NBAS: variants seen among roughly 807,000 people sequenced by gnomAD.
The protein encoded by NBAS is NAG/BC035112 fusion.
A neutral mutation model predicts 302.5 loss-of-function variants in NBAS; 219 were observed. The ratio of observed to expected loss-of-function variants is 0.72; its 90% confidence interval spans 0.65 to 0.81. The LOEUF (loss-of-function observed/expected upper bound fraction) is 0.81. NBAS is among the 30% of genes least tolerant of loss of function. NBAS has a pLI of 0.00. For missense variants in NBAS, 2,932 were observed against 2,841.6 expected, an observed-to-expected ratio of 1.03 and a Z score of -0.72; for synonymous variants, 1,118 against 1,021.6, an observed-to-expected ratio of 1.09 and a Z score of -1.80.
the NBAS span, among the ~76,000 whole-genome samples, chr2:15,143,290 C>G: frequency 6.6e-6 from 1 of 152,184 alleles, no homozygotes; most frequent in Non-Finnish European, 1.5e-5. Flanking sequence ...CGTGGTCCTG[C>G]AGCAAGTCCG....
chr2:15,109,752 C>T, the NBAS span, among the ~76,000 whole-genome samples: 1 of 151,966 alleles, frequency 6.6e-6, no homozygotes. Context: ...AGAGCTGCAC[C>T]CTCATGACCT....
the NBAS span, among the ~76,000 whole-genome samples, chr2:15,102,993 A>AAGGAAGGAAGGAAGGAAGGG: frequency 7.7e-6 from 1 of 129,034 alleles, no homozygotes; most frequent in Non-Finnish European, 1.7e-5. Flanking sequence ...GGAAGGAAGG[A>AAGGAAGGAAGGAAGGAAGGG]AGGAAGGAAG....
At chr2:15,422,245 C>T (rs1677247222) in intron 23 of NBAS, among the ~76,000 whole-genome samples, 1 of 152,174 alleles carries the variant, frequency 6.6e-6, no homozygotes, top group Non-Finnish European at 1.5e-5. Flanking sequence ...TTCAGATTAG[C>T]TTCTTTCACT....
chr2:15,148,965 T>C, the NBAS span, among the ~76,000 whole-genome samples: 2 of 152,178 alleles, frequency 1.3e-5, no homozygotes, highest in African/African-American at 2.4e-5. Context: ...AGGTTTTTAA[T>C]AGAGTGTACT....
At chr2:15,249,105 G>A (rs1223816396) in intron 44 of NBAS, among the ~76,000 whole-genome samples, 1 of 152,050 alleles carries the variant, frequency 6.6e-6, no homozygotes, top group Non-Finnish European at 1.5e-5. Flanking sequence ...ACATCAAAAA[G>A]CTTATCCACC....
At chr2:14,904,149 T>C in the NBAS span, among the ~76,000 whole-genome samples, 1 of 152,242 alleles carries the variant, frequency 6.6e-6, no homozygotes, top group East Asian at 1.9e-4. Context: ...GTCAGAGTTC[T>C]ACAGAGAAAC....
At chr2:14,972,986 T>G in the NBAS span, among the ~76,000 whole-genome samples, 1 of 152,212 alleles carries the variant, frequency 6.6e-6, no homozygotes, top group African/African-American at 2.4e-5. Flanking sequence ...CACTGTGTCC[T>G]TGGAGCCCCT....
At chr2:15,012,418 G>GA in the NBAS span, among the ~76,000 whole-genome samples, 2 of 152,044 alleles carry the variant, frequency 1.3e-5, no homozygotes, top group East Asian at 1.9e-4. Flanking sequence ...ACCATTAAGT[G>GA]AAAAAATATT....
At chr2:15,045,097 T>C in the NBAS span, among the ~76,000 whole-genome samples, 2 of 152,178 alleles carry the variant, frequency 1.3e-5, no homozygotes, top group Non-Finnish European at 2.9e-5. Context: ...TATCAAAATC[T>C]CTGTCATGTA....
chr2:15,513,216 A>C (rs1475965192), intron 9 of NBAS, among the ~76,000 whole-genome samples: 1 of 152,196 alleles, frequency 6.6e-6, no homozygotes, highest in Non-Finnish European at 1.5e-5. Flanking sequence ...AGCTCTAACA[A>C]ATTTTCATCT....
the NBAS span, among the ~76,000 whole-genome samples, chr2:14,981,022 TACA>T: frequency 1.3e-5 from 2 of 149,748 alleles, no homozygotes; most frequent in Non-Finnish European, 3.0e-5. Context: ...ATTCAAGACA[TACA>T]ACATCTAATA....
intron 33 of NBAS, among the ~76,000 whole-genome samples, chr2:15,355,801 A>G (rs530230145): frequency 7.0e-4 from 106 of 152,248 alleles, no homozygotes; most frequent in African/African-American, 2.5e-3. Flanking sequence ...CCGGAGGCAG[A>G]TGCTGCCCTA....
intron 48 of NBAS, among the ~76,000 whole-genome samples, chr2:15,197,128 T>C (rs1040549383): frequency 2.6e-5 from 4 of 152,128 alleles, no homozygotes; most frequent in African/African-American, 4.8e-5. Flanking sequence ...AAGTTTGAAT[T>C]GTAGTCAACA....
chr2:15,028,301 C>T, the NBAS span, among the ~76,000 whole-genome samples: 3 of 152,126 alleles, frequency 2.0e-5, no homozygotes, highest in African/African-American at 7.2e-5. Context: ...AGGGCTAGCG[C>T]CTGCTTTACT....
At chr2:15,106,271 A>T in the NBAS span, among the ~76,000 whole-genome samples, 1 of 152,096 alleles carries the variant, frequency 6.6e-6, no homozygotes, top group Non-Finnish European at 1.5e-5. Context: ...AGGAAGATTC[A>T]CATTGAGGGC....
chr2:15,179,222 T>C, intron 50 of NBAS, 106 bp from the exon 51 acceptor site: 2 of 1,561,772 alleles, frequency 1.3e-6, no homozygotes, highest in Non-Finnish European at 1.7e-6. Context: ...CGTGTGTGTG[T>C]GTGTGTAAAG....
the NBAS span, among the ~76,000 whole-genome samples, chr2:14,896,840 T>C: frequency 6.6e-6 from 1 of 152,218 alleles, no homozygotes; most frequent in Non-Finnish European, 1.5e-5. Flanking sequence ...TCTCTGTTGA[T>C]AATGTATAAG....
the NBAS span, among the ~76,000 whole-genome samples, chr2:14,811,050 T>A: frequency 6.6e-6 from 1 of 152,188 alleles, no homozygotes; most frequent in African/African-American, 2.4e-5. Flanking sequence ...GGAGTGGGAC[T>A]TATCTGGGAA....
At chr2:15,445,736 T>C (rs919675358) in intron 21 of NBAS, among the ~76,000 whole-genome samples, 1 of 151,974 alleles carries the variant, frequency 6.6e-6, no homozygotes, top group African/African-American at 2.4e-5. Flanking sequence ...TAATGTCTGT[T>C]ATCCAATAAA....
Sources: allele counts gnomAD v4.1 joint callset (sites outside exome capture counted in the v4.1 genomes callset), GRCh38; gene constraint gnomAD v4.1.1; transcripts MANE v1.5; gene names NCBI Gene and HGNC (gene_info 2026-07-23, HGNC 2026-07-21).